TNFAIP8: variants seen among roughly 807,000 people sequenced by gnomAD.
The protein encoded by TNFAIP8 is tumor necrosis factor alpha-induced protein 8.
Under a neutral mutation model 13.3 loss-of-function variants are expected in TNFAIP8, and 7 were observed. That is an observed-to-expected ratio of 0.52 (90% CI 0.30 to 0.99). The LOEUF is 0.99. TNFAIP8 is among the 50% of genes least tolerant of loss of function. The pLI, the probability that TNFAIP8 is intolerant of heterozygous loss-of-function variation, is 0.07. For synonymous variants in TNFAIP8, 94 were observed against 87.6 expected (o/e 1.07, Z -0.41); for missense variants, 258 against 236.9 (o/e 1.09, Z -0.58).
rs559896457 is a variant in TNFAIP8 at position 119,335,868 on chromosome 5, G to A, written c.2-56948G>A. On this transcript the variant is annotated intron_variant, in intron 1 of 1. Coordinates refer to the TNFAIP8 transcript ENST00000274456. ...ATTTTCAAGCTGAAGAGGGAAATAG[G>A]GATTGTTGCAGGGGGTGAGGGGGTG... 5.3e-5 allele frequency among the ~76,000 whole-genome samples: 8 copies of A among 151,990 alleles called. No homozygotes were observed. In the East Asian group the frequency reaches 1.6e-3, roughly 30 times the overall value.
intron 1 of TNFAIP8, among the ~76,000 whole-genome samples, chr5:119,334,840 T>A (rs192693506): frequency 3.3e-4 from 50 of 152,134 alleles, no homozygotes; most frequent in African/African-American, 1.2e-3. Flanking sequence ...CAGAGCCAGC[T>A]TTGCTTGGGA....
At chr5:119,287,293 T>TTG (rs200468286) in intron 1 of TNFAIP8, among the ~76,000 whole-genome samples, 2,061 of 138,316 alleles carry the variant, frequency 0.015, 34 homozygotes, top group Non-Finnish European at 0.024. Flanking sequence ...TTTTTTTTTT[T>TTG]TTTTTTTGCT....
chr5:119,275,466 G>A (rs904991468), intron 1 of TNFAIP8, among the ~76,000 whole-genome samples: 1 of 152,064 alleles, frequency 6.6e-6, no homozygotes, highest in African/African-American at 2.4e-5. Flanking sequence ...GAAGAGCACG[G>A]GCCCAACTCA....
At chr5:119,319,427 G>A (rs1749989968) in intron 1 of TNFAIP8, among the ~76,000 whole-genome samples, 1 of 152,178 alleles carries the variant, frequency 6.6e-6, no homozygotes, top group African/African-American at 2.4e-5. Context: ...GATTTAATGA[G>A]AACATTCCAA....
chr5:119,376,311 C>G (rs903310928), intron 1 of TNFAIP8, among the ~76,000 whole-genome samples: 2 of 151,954 alleles, frequency 1.3e-5, no homozygotes, highest in African/African-American at 4.8e-5. Context: ...GATGGGCTTT[C>G]ACCATGCTGG....
At chr5:119,333,776 C>T (rs1750458853) in intron 1 of TNFAIP8, 5 of 746,512 alleles carry the variant, frequency 6.7e-6, no homozygotes, top group Non-Finnish European at 1.1e-5. Context: ...TTCAACAAAT[C>T]ACTGTTTTGT....
chr5:119,368,824 A>G (rs749475581), intron 1 of TNFAIP8, among the ~76,000 whole-genome samples: 1 of 152,252 alleles, frequency 6.6e-6, no homozygotes, highest in Admixed American at 6.5e-5. Context: ...GGGGCAGGAC[A>G]TGGCTGTGAC....
chr5:119,275,463 A>G lies in TNFAIP8; in HGVS notation c.1+6556A>G, dbSNP rs188857863. 5.3e-5 allele frequency among the ~76,000 whole-genome samples: 8 copies of G among 152,282 alleles called. No homozygotes were observed. In the East Asian group the frequency reaches 1.5e-3, roughly 29 times the overall value. On this transcript the variant is annotated intron_variant, in intron 1 of 1. Transcript: ENST00000274456. ...AACAGCGGCGCATGTTTGGAAGAGCACGGGCCCAACTCAGGACTCGGAGTT... is the reference window on the plus strand; with the variant it reads ...AACAGCGGCGCATGTTTGGAAGAGCGCGGGCCCAACTCAGGACTCGGAGTT...
chr5:119,272,157 C>A (rs1748311367), intron 1 of TNFAIP8, among the ~76,000 whole-genome samples: 1 of 152,170 alleles, frequency 6.6e-6, no homozygotes. Flanking sequence ...GTAGATAATT[C>A]TAGAATAGCA....
At chr5:119,368,449 G>A (rs1751952601) in intron 1 of TNFAIP8, among the ~76,000 whole-genome samples, 1 of 138,456 alleles carries the variant, frequency 7.2e-6, no homozygotes, top group South Asian at 2.2e-4. Flanking sequence ...GTGTGTGTGT[G>A]TGTGTGTGTG....
chr5:119,351,788 C>CTTTT (rs1177061965), upstream of TNFAIP8, among the ~76,000 whole-genome samples: 125 of 138,264 alleles, frequency 9.0e-4, 8 homozygotes, highest in African/African-American at 3.2e-3. Context: ...TTTTCTTTTT[C>CTTTT]TTTTTTTCTT....
intron 1 of TNFAIP8, among the ~76,000 whole-genome samples, chr5:119,282,639 G>C (rs72786107): frequency 0.095 from 14,452 of 152,224 alleles, 968 homozygotes; most frequent in African/African-American, 0.19. Context: ...CCTTTTCTTT[G>C]TCTACACCCT....
chr5:119,382,986 A>T (rs577133847), intron 1 of TNFAIP8, among the ~76,000 whole-genome samples: 2 of 152,346 alleles, frequency 1.3e-5, no homozygotes, highest in East Asian at 3.9e-4. Context: ...CAAAGTTAAA[A>T]TGGTTCTTTA....
intron 1 of TNFAIP8, among the ~76,000 whole-genome samples, chr5:119,377,995 T>TA (rs1262724683): frequency 2.0e-5 from 3 of 152,324 alleles, no homozygotes; most frequent in Non-Finnish European, 4.4e-5. Flanking sequence ...GAGGCAGCCA[T>TA]AATTTAGCTC....
upstream of TNFAIP8, among the ~76,000 whole-genome samples, chr5:119,353,081 A>C (rs989932268): frequency 6.6e-6 from 1 of 152,250 alleles, no homozygotes; most frequent in African/African-American, 2.4e-5. Context: ...TTAAATGAGA[A>C]GTGTTGCTAA....
chr5:119,391,878 A>G (rs2112867512), intron 1 of TNFAIP8, among the ~76,000 whole-genome samples: 1 of 152,276 alleles, frequency 6.6e-6, no homozygotes, highest in South Asian at 2.1e-4. Flanking sequence ...GACCAGCTCT[A>G]AGGTGGGAAG....
intron 1 of TNFAIP8, among the ~76,000 whole-genome samples, chr5:119,384,408 G>C (rs183819429): frequency 5.3e-5 from 8 of 151,970 alleles, no homozygotes; most frequent in Non-Finnish European, 1.0e-4. Context: ...GCTTGAAGCC[G>C]GGGGGTGGAG....
At chr5:119,392,538 C>T (rs7720147) in intron 1 of TNFAIP8, among the ~76,000 whole-genome samples, 2,717 of 152,014 alleles carry the variant, frequency 0.018, 80 homozygotes, top group African/African-American at 0.061. Context: ...TTATAGGTGC[C>T]CACCACCACG....
rs529694096 is a variant in TNFAIP8 at position 119,374,062 on chromosome 5, A to G, written c.31+17941A>G. ...GAGTATCAGTTTCCATTCACATAGT[A>G]TATAGGGTTTCCTTTTATGTGAATT... On this transcript the variant is annotated intron_variant, in intron 1 of 1. Transcript: ENST00000504771. 9.2e-5 allele frequency among the ~76,000 whole-genome samples: 14 copies of G among 152,366 alleles called. No individual in the cohort carries two copies. In the East Asian group the frequency reaches 2.7e-3, roughly 29 times the overall value.
Sources: gnomAD v4.1 joint callset for allele counts (sites outside exome capture counted in the v4.1 genomes callset) on GRCh38, gnomAD v4.1.1 for gene constraint, MANE v1.5 for transcripts, NCBI Gene and HGNC (gene_info 2026-07-23, HGNC 2026-07-21) for gene names.